CYB5A: variants seen among roughly 807,000 people sequenced by gnomAD.
The protein encoded by CYB5A is cytochrome b5.
A neutral mutation model predicts 16.2 loss-of-function variants in CYB5A; 10 were observed. The observed-to-expected ratio is 0.62, with a 90% confidence interval of 0.38 to 1.04. The LOEUF is 1.04. Among genes scored for constraint, CYB5A ranks in the 50% least tolerant of loss-of-function variants. The pLI is 0.01. For missense variants in CYB5A, 161 were observed against 165.9 expected, an observed-to-expected ratio of 0.97 and a Z score of 0.16; for synonymous variants, 62 against 57.0, an observed-to-expected ratio of 1.09 and a Z score of -0.40.
chr18:74,260,935 G>A lies in CYB5A; in HGVS notation c.268C>T (p.Pro90Ser), dbSNP rs1982174245. Reference sequence around the variant, plus strand: ...CTTACCGGAGGCTTGTTTAACTTTGGTCTGTCATCCTGCAATGAAAAGATA... The same window carrying A: ...CTTACCGGAGGCTTGTTTAACTTTGATCTGTCATCCTGCAATGAAAAGATA... ...IIGELHPDDR[P>S]KLNKPPETLI... is the part of the protein sequence containing the mutation. The change falls in exon 3 of 5, where the codon CCA becomes TCA. Residue 90 changes from proline (P) to serine (S), a missense_variant. Pro to Ser is a moderately conservative substitution (Grantham distance 74). Transcript: ENST00000340533. 1 of 1,612,280 alleles carries A rather than the reference G, an allele frequency of 6.2e-7. No homozygotes were observed. The highest frequency in any genetic ancestry group is 1.3e-5 in the African/African-American group (1 of 74,878).
intron 1 of CYB5A, among the ~76,000 whole-genome samples, chr18:74,270,947 A>C (rs1982645736): frequency 6.6e-6 from 1 of 152,210 alleles, no homozygotes; most frequent in Non-Finnish European, 1.5e-5. Context: ...TCATTAGATA[A>C]ATAAATGAGA....
chr18:74,258,234 C>T (rs552326532), intron 3 of CYB5A: 2 of 152,302 alleles, frequency 1.3e-5, no homozygotes, highest in African/African-American at 4.8e-5. Flanking sequence ...CTTAACACTT[C>T]CCAGCTGCAA....
At chr18:74,286,932 T>C (rs1983342482) in intron 1 of CYB5A, among the ~76,000 whole-genome samples, 1 of 152,238 alleles carries the variant, frequency 6.6e-6, no homozygotes, top group Non-Finnish European at 1.5e-5. Context: ...CTGTTTTCTT[T>C]ACTGTTTCAA....
chr18:74,259,555 AC>A (rs1982116738), intron 3 of CYB5A: 1 of 152,212 alleles, frequency 6.6e-6, no homozygotes. Context: ...ACAATCTTAC[AC>A]CTACAAGTGT....
At position 74,251,175 on chromosome 18, in the gene CYB5A, CAA is replaced by C. The variant is rs796525677; in HGVS notation, c.*2407_*2408del. ...ACAGAGTGAGACTCTGTCTCAAAAA[CAA>C]AAAAAAAAAAAAAAGAAAGTTTACT... On this transcript the variant is annotated 3_prime_UTR_variant, in exon 5 of 5. Coordinates refer to ENST00000340533, the MANE Select transcript of CYB5A (RefSeq NM_148923.4). The C allele has an allele frequency of 3.4e-4, 27 of 79,924 alleles. No homozygotes were observed. Among genetic ancestry groups the C allele is most frequent in the Admixed American group, 5.6e-4 (4 of 7,144 alleles). 5.0% of individuals were successfully genotyped at this position (79,924 alleles called of 1,614,324 possible).
intron 1 of CYB5A, among the ~76,000 whole-genome samples, chr18:74,273,254 ACC>A (rs1982740711): frequency 6.6e-6 from 1 of 152,066 alleles, no homozygotes; most frequent in South Asian, 2.1e-4. Context: ...GGGTAAGGTC[ACC>A]CCTCTGCCCA....
chr18:74,284,479 G>A (rs1248548773), intron 1 of CYB5A, among the ~76,000 whole-genome samples: 1 of 152,162 alleles, frequency 6.6e-6, no homozygotes, highest in South Asian at 2.1e-4. Context: ...TGAGGAAGAC[G>A]AGGGAAAGAA....
rs1568224908 is a variant in CYB5A, at chr18:74,284,232, C to CAAAA, written c.129+7514_129+7515insTTTT. 1.0e-4 allele frequency among the ~76,000 whole-genome samples: 10 copies of CAAAA among 100,200 alleles called. 1 individual carries two copies. The highest frequency in any genetic ancestry group is 3.8e-4 in the African/African-American group (8 of 20,994). 65.7% of individuals were successfully genotyped at this position (100,200 alleles called of 152,430 possible). A position where few individuals can be genotyped will look rare whatever the true frequency, so the allele number is the denominator to read the frequency against. On this transcript the variant is annotated intron_variant, in intron 1 of 4. Coordinates refer to ENST00000340533, the MANE Select transcript of CYB5A (RefSeq NM_148923.4). ...GGGCAACAACAGTGAAACTCCATCT[C>CAAAA]CAAAAAAAAAAAAAAAAAAAAGAGA...
rs959799175 is a variant in CYB5A at position 74,253,352 on chromosome 18, C to T, written c.*232G>A. On this transcript the variant is annotated 3_prime_UTR_variant, in exon 5 of 5. Coordinates refer to ENST00000340533, the MANE Select transcript of CYB5A (RefSeq NM_148923.4). ...TCATGCTTATAATAAGTAAATTACA[C>T]ATTAAGGAAACATCAAAATAAAGTA... 9.1e-6 allele frequency: 4 copies of T among 440,728 alleles called. No individual in the cohort carries two copies. The highest frequency in any genetic ancestry group is 1.7e-5 in the Non-Finnish European group (4 of 237,384). 27.3% of individuals were successfully genotyped at this position (440,728 alleles called of 1,614,324 possible).
chr18:74,256,629 A>T, intron 3 of CYB5A: 1 of 584,850 alleles, frequency 1.7e-6, no homozygotes, highest in South Asian at 2.4e-5. Context: ...CATAAGCATT[A>T]GGGCCTCAAA....
In CYB5A at chr18:74,291,866, G is replaced by C. The variant is rs1983562484; in HGVS notation, c.10C>G (p.Gln4Glu). ...TAGTACTTCACGGCCTCGTCCGACT[G>C]CTCTGCCATCTCGGTTCGCCGCGAG... MAE[Q>E]SDEAVKYYTL... The change falls in exon 1 of 5, where the codon CAG becomes GAG. Residue 4 changes from glutamine to glutamate, a missense_variant. By Grantham distance (29) the Gln-to-Glu change is conservative. Coordinates refer to ENST00000340533, the MANE Select transcript of CYB5A (RefSeq NM_148923.4). 1 of 1,612,898 alleles carries C rather than the reference G, an allele frequency of 6.2e-7. No homozygotes were observed.
At chr18:74,280,792 T>C (rs895806807) in intron 1 of CYB5A, among the ~76,000 whole-genome samples, 5 of 152,120 alleles carry the variant, frequency 3.3e-5, no homozygotes, top group Non-Finnish European at 5.9e-5. Context: ...TGCGAGTCTA[T>C]CTCTGGCCTC....
intron 1 of CYB5A, among the ~76,000 whole-genome samples, chr18:74,287,095 C>T (rs1983350129): frequency 6.6e-6 from 1 of 152,134 alleles, no homozygotes; most frequent in African/African-American, 2.4e-5. Context: ...ACCCAAGATG[C>T]CTAAGCCACC....
intron 1 of CYB5A, among the ~76,000 whole-genome samples, chr18:74,276,454 C>T (rs1982878795): frequency 6.6e-6 from 1 of 151,960 alleles, no homozygotes; most frequent in South Asian, 2.1e-4. Flanking sequence ...GAGAAAACTT[C>T]ACAGACTTCT....
In CYB5A at chr18:74,253,544, C is replaced by T. The variant is rs772725960; in HGVS notation, c.*40G>A. 8.7e-6 allele frequency: 12 copies of T among 1,378,316 alleles called. No homozygotes were observed. The highest frequency in any genetic ancestry group is 1.2e-5 in the South Asian group (1 of 85,474). The allele number at this position is 1,378,316 out of a possible 1,614,324, so 85.4% of individuals were successfully genotyped here. On this transcript the variant is annotated 3_prime_UTR_variant, in exon 5 of 5. Coordinates refer to ENST00000340533, the MANE Select transcript of CYB5A (RefSeq NM_148923.4). ...AGCAATGGCTTCTTTTCTCCCGTGT[C>T]CAAAGCAGGCTCTTCCTGCGCTGAC...
chr18:74,260,754 C>T (rs974260415), intron 3 of CYB5A, 161 bp downstream of exon 3: 6 of 709,130 alleles, frequency 8.5e-6, no homozygotes, highest in Admixed American at 2.0e-5. Flanking sequence ...GACAGGTTTC[C>T]GTAAATAAAA....
chr18:74,266,837 T>TAAAA (rs573568747), intron 1 of CYB5A, among the ~76,000 whole-genome samples: 1 of 73,456 alleles, frequency 1.4e-5, no homozygotes, highest in Admixed American at 1.3e-4. Context: ...TTTAAAAAAC[T>TAAAA]AAAAAAAAAA....
At chr18:74,267,970 T>C (rs1982511051) in intron 1 of CYB5A, among the ~76,000 whole-genome samples, 1 of 152,198 alleles carries the variant, frequency 6.6e-6, no homozygotes, top group Admixed American at 6.5e-5. Flanking sequence ...GGCATGGAGA[T>C]GCAAAGCTGT....
chr18:74,276,909 T>C (rs1164829572), intron 1 of CYB5A, among the ~76,000 whole-genome samples: 1 of 152,152 alleles, frequency 6.6e-6, no homozygotes, highest in African/African-American at 2.4e-5. Context: ...GTAAGAGAAG[T>C]TCGAGAAAGA....
Sources: allele counts gnomAD v4.1 joint callset (sites outside exome capture counted in the v4.1 genomes callset), GRCh38; gene constraint gnomAD v4.1.1; transcripts MANE v1.5; gene names NCBI Gene and HGNC (gene_info 2026-07-23, HGNC 2026-07-21).